The following PLCB1 variants were observed in gnomAD, a reference collection of about 807,000 sequenced individuals.
The protein encoded by PLCB1 is phospholipase C beta 1.
A neutral mutation model predicts 161.8 loss-of-function variants in PLCB1; 46 were observed. That is an observed-to-expected ratio of 0.28 (90% CI 0.22 to 0.36). The LOEUF (loss-of-function observed/expected upper bound fraction) is 0.36, where lower values mean the gene tolerates loss of function less well. PLCB1 is among the 10% of genes least tolerant of loss of function. PLCB1 has a pLI of 1.00. For synonymous variants in PLCB1, 517 were observed against 503.7 expected (o/e 1.03, Z -0.35); for missense variants, 1,016 against 1,472.5 (o/e 0.69, Z 5.07).
intron 2 of PLCB1, among the ~76,000 whole-genome samples, chr20:8,309,311 C>T (rs1319558666): frequency 6.6e-6 from 1 of 152,106 alleles, no homozygotes; most frequent in Non-Finnish European, 1.5e-5. Flanking sequence ...ATCCTCCCTA[C>T]CCCCGAATAA....
intron 2 of PLCB1, among the ~76,000 whole-genome samples, chr20:8,329,253 A>G (rs1435634508): frequency 6.6e-6 from 1 of 152,106 alleles, no homozygotes; most frequent in East Asian, 1.9e-4. Flanking sequence ...AGTGAGTGAA[A>G]GTCTCTCAAC....
intron 3 of PLCB1, among the ~76,000 whole-genome samples, chr20:8,469,325 T>C (rs1485694508): frequency 6.6e-6 from 1 of 152,166 alleles, no homozygotes; most frequent in Non-Finnish European, 1.5e-5. Context: ...GATACGCTAA[T>C]TTTAATGGTG....
chr20:8,534,372 A>G (rs548490722), intron 3 of PLCB1, among the ~76,000 whole-genome samples: 9 of 152,320 alleles, frequency 5.9e-5, no homozygotes, highest in South Asian at 2.1e-4. Flanking sequence ...TGAAACCATT[A>G]TATTTACTTC....
At chr20:8,290,931 G>T (rs1983354715) in intron 2 of PLCB1, among the ~76,000 whole-genome samples, 1 of 151,712 alleles carries the variant, frequency 6.6e-6, no homozygotes, top group Admixed American at 6.6e-5. Context: ...TACAACTATT[G>T]ACAAGATTGT....
At chr20:8,673,568 G>A (rs1268125929) in intron 9 of PLCB1, among the ~76,000 whole-genome samples, 1 of 152,080 alleles carries the variant, frequency 6.6e-6, no homozygotes, top group South Asian at 2.1e-4. Context: ...CAGTGCCAGC[G>A]AGGCCTCTTG....
At chr20:8,541,605 A>AAAGAAAGAAAGAAAGAAAGAAGG in intron 3 of PLCB1, among the ~76,000 whole-genome samples, 1 of 149,992 alleles carries the variant, frequency 6.7e-6, no homozygotes, top group South Asian at 2.1e-4. Flanking sequence ...AGAAAGAAAG[A>AAAGAAAGAAAGAAAGAAAGAAGG]AAGGAAGGAA....
At chr20:8,232,894 G>C (rs374509613) in intron 2 of PLCB1, among the ~76,000 whole-genome samples, 1 of 152,220 alleles carries the variant, frequency 6.6e-6, no homozygotes, top group East Asian at 1.9e-4. Flanking sequence ...CTAGCAGCTG[G>C]CGCTGGCATT....
At chr20:8,795,239 A>G (rs922201680) in intron 31 of PLCB1, among the ~76,000 whole-genome samples, 1 of 152,210 alleles carries the variant, frequency 6.6e-6, no homozygotes, top group Admixed American at 6.5e-5. Context: ...ATGAAAAAAG[A>G]GATTCAATTA....
intron 4 of PLCB1, among the ~76,000 whole-genome samples, chr20:8,644,815 G>T (rs543402439): frequency 6.6e-6 from 1 of 152,124 alleles, no homozygotes; most frequent in African/African-American, 2.4e-5. Flanking sequence ...CCACCACCCC[G>T]TCTGGGAGGT....
intron 2 of PLCB1, among the ~76,000 whole-genome samples, chr20:8,230,476 A>G (rs1430446061): frequency 6.6e-6 from 1 of 152,152 alleles, no homozygotes; most frequent in East Asian, 1.9e-4. Flanking sequence ...ATTGTTAGGT[A>G]TAGTCATCCT....
chr20:8,174,955 G>T (rs1697919080), intron 2 of PLCB1, among the ~76,000 whole-genome samples: 1 of 152,012 alleles, frequency 6.6e-6, no homozygotes, highest in Non-Finnish European at 1.5e-5. Flanking sequence ...TGTAGTCCCA[G>T]CTACTCAGGA....
chr20:8,245,475 G>A (rs936006483), intron 2 of PLCB1, among the ~76,000 whole-genome samples: 2 of 151,818 alleles, frequency 1.3e-5, no homozygotes, highest in African/African-American at 4.8e-5. Flanking sequence ...TATTATGGTG[G>A]CCCAGTAGTC....
At chr20:8,842,766 G>A (rs987476423) in intron 31 of PLCB1, among the ~76,000 whole-genome samples, 2 of 152,110 alleles carry the variant, frequency 1.3e-5, no homozygotes, top group South Asian at 4.1e-4. Context: ...AGAACAGGAC[G>A]GGATTTTCAC....
chr20:8,580,483 A>T (rs1986800772), intron 3 of PLCB1, among the ~76,000 whole-genome samples: 3 of 152,188 alleles, frequency 2.0e-5, no homozygotes, highest in Non-Finnish European at 4.4e-5. Flanking sequence ...CTTTCCAATG[A>T]TCAACATTGA....
chr20:8,545,564 G>C (rs1985506389), intron 3 of PLCB1, among the ~76,000 whole-genome samples: 2 of 152,196 alleles, frequency 1.3e-5, no homozygotes, highest in Admixed American at 6.5e-5. Context: ...ATTTCAACTA[G>C]TGTAGTAGAT....
intron 3 of PLCB1, among the ~76,000 whole-genome samples, chr20:8,456,927 A>G (rs1981341882): frequency 1.3e-5 from 2 of 152,222 alleles, no homozygotes; most frequent in Non-Finnish European, 2.9e-5. Context: ...CCAAGGCTCC[A>G]TGTCTGAACA....
intron 2 of PLCB1, among the ~76,000 whole-genome samples, chr20:8,353,139 G>C (rs1986237707): frequency 6.6e-6 from 1 of 152,060 alleles, no homozygotes; most frequent in Non-Finnish European, 1.5e-5. Context: ...GAATTTACAA[G>C]ATTAGGCTGG....
chr20:8,591,039 G>C (rs1321953461), intron 3 of PLCB1, among the ~76,000 whole-genome samples: 1 of 151,582 alleles, frequency 6.6e-6, no homozygotes, highest in African/African-American at 2.4e-5. Context: ...TGTTCTCATT[G>C]TTCAGCTCCC....
At chr20:8,314,049 G>T (rs965362205) in intron 2 of PLCB1, among the ~76,000 whole-genome samples, 1 of 152,134 alleles carries the variant, frequency 6.6e-6, no homozygotes, top group Non-Finnish European at 1.5e-5. Context: ...TGATTGACAG[G>T]TAGTTCCATT....
Sources: gnomAD v4.1 joint callset for allele counts (sites outside exome capture counted in the v4.1 genomes callset) on GRCh38, gnomAD v4.1.1 for gene constraint, MANE v1.5 for transcripts, NCBI Gene and HGNC (gene_info 2026-07-23, HGNC 2026-07-21) for gene names.